The following FEM1C variants were observed in gnomAD, a reference collection of about 807,000 sequenced individuals.
FEM1C encodes fem-1 homolog C, also known as protein fem-1 homolog C.
A neutral mutation model predicts 37.6 loss-of-function variants in FEM1C; 15 were observed. The ratio of observed to expected loss-of-function variants is 0.40; its 90% CI spans 0.27 to 0.61. The LOEUF (loss-of-function observed/expected upper bound fraction) is 0.61. Among genes scored for constraint, FEM1C ranks in the 20% least tolerant of loss-of-function variants. The pLI, the probability that FEM1C is intolerant of heterozygous loss-of-function variation, is 0.42. For synonymous variants in FEM1C, 287 were observed against 272.8 expected (o/e 1.05, Z -0.51); for missense variants, 532 against 749.7 (o/e 0.71, Z 3.39).
rs1414146162 is a variant in FEM1C, at chr5:115,524,434, A to C, written c.1728T>G (p.Asn576Lys). Residue 576 changes from asparagine (N) to lysine (K), a missense_variant, in exon 3 of 3, where the codon AAT (asparagine) becomes AAG (lysine). Asn to Lys is a moderately conservative substitution (Grantham distance 94). This residue lies in a region of FEM1C where 237 missense variants were observed against 260.5 expected (regional missense o/e 0.91). Transcript: ENST00000274457. The stretch of plus-strand genomic sequence containing the variant: ...TGGTATGATTTATAGGCTGGATTAA[A>C]TTTTTAGCTATTTCCTTCTCATCCA... The part of the protein sequence containing the change: ...DLLDEKEIAK[N>K]LIQPINHTTL... The C allele has an allele frequency of 1.2e-6, 2 of 1,613,346 alleles. No homozygotes were observed. Among genetic ancestry groups the C allele is most frequent in the Admixed American group, 3.3e-5 (2 of 59,878 alleles).
At position 115,544,761 on chromosome 5, in the gene FEM1C, T is replaced by G. The variant is rs963017883; in HGVS notation, c.-429A>C. 2 of 152,612 alleles carry G rather than the reference T, an allele frequency of 1.3e-5. No homozygotes were observed. Among genetic ancestry groups the G allele is most frequent in the African/African-American group, 4.8e-5 (2 of 41,474 alleles). The allele number at this position is 152,612 out of a possible 1,614,324, so 9.5% of individuals were successfully genotyped here. A position where few individuals can be genotyped will look rare whatever the true frequency, so the allele number is the denominator to read the frequency against. The stretch of plus-strand genomic sequence containing the variant: ...GGACTGCAGCGGCTGCAGCGACTGC[T>G]GCGACGGATGGTGTAATGGGCTGCG... On this transcript the variant is annotated 5_prime_UTR_variant, in exon 1 of 3. Coordinates refer to ENST00000274457, the MANE Select transcript of FEM1C (RefSeq NM_020177.3).
Position 115,543,618 on chromosome 5 carries a change from A to G in FEM1C, c.-125T>C. 6.9e-7 allele frequency: 1 copy of G among 1,453,174 alleles called. No individual in the cohort carries two copies. The highest frequency in any genetic ancestry group is 9.0e-7 in the Non-Finnish European group (1 of 1,109,606). The allele number at this position is 1,453,174 out of a possible 1,614,324, so 90.0% of individuals were successfully genotyped here. On this transcript the variant is annotated 5_prime_UTR_variant, in exon 2 of 3. Coordinates refer to ENST00000274457, the MANE Select transcript of FEM1C (RefSeq NM_020177.3). Reference sequence around the variant, plus strand: ...TGTTAATTGCTGCACCCCAGAACGGATACACAACCACGAAGAGTATGTTCC... The same window carrying G: ...TGTTAATTGCTGCACCCCAGAACGGGTACACAACCACGAAGAGTATGTTCC...
At chr5:115,532,202 C>A (rs1384739466) in intron 2 of FEM1C, among the ~76,000 whole-genome samples, 1 of 152,070 alleles carries the variant, frequency 6.6e-6, no homozygotes, top group Non-Finnish European at 1.5e-5. Flanking sequence ...ATACCTTACA[C>A]TAGTATAATG....
chr5:115,542,886 T>C, intron 2 of FEM1C, 64 bp downstream of exon 2: 2 of 1,550,376 alleles, frequency 1.3e-6, no homozygotes, highest in Middle Eastern at 1.8e-4. Flanking sequence ...GTGCTTATAA[T>C]GATGTATCAA....
At chr5:115,536,416 A>G (rs1404007793) in intron 2 of FEM1C, among the ~76,000 whole-genome samples, 1 of 151,742 alleles carries the variant, frequency 6.6e-6, no homozygotes, top group Admixed American at 6.6e-5. Flanking sequence ...TCCTTCCTCA[A>G]CTTTGTAGCT....
At chr5:115,525,888 C>T (rs547324407) in intron 2 of FEM1C, among the ~76,000 whole-genome samples, 1 of 152,016 alleles carries the variant, frequency 6.6e-6, no homozygotes, top group African/African-American at 2.4e-5. Context: ...ATGGTCTCTT[C>T]GTATTTTTCA....
At chr5:115,541,143 A>C (rs1235793223) in intron 2 of FEM1C, among the ~76,000 whole-genome samples, 1 of 152,156 alleles carries the variant, frequency 6.6e-6, no homozygotes, top group Non-Finnish European at 1.5e-5. Flanking sequence ...CTCCATCAGT[A>C]GAAGAGTATG....
rs1223318926 is a variant in FEM1C, at chr5:115,543,179, A to G, written c.315T>C (p.His105=). 2.5e-6 allele frequency: 4 copies of G among 1,614,118 alleles called. No individual in the cohort carries two copies. Among genetic ancestry groups the G allele is most frequent in the Non-Finnish European group, 3.4e-6 (4 of 1,180,054 alleles). ...AAGTCGTGTTGTTGACAGATGCTCC[A>G]TGATTTAACAAGGACTGGACCACCT... ...HLKVVQSLLN[H]GASVNNTTLT... is the part of the protein sequence containing the mutation. The change falls in exon 2 of 3, where the codon CAT becomes CAC. Residue 105 remains histidine (H), a synonymous_variant. Coordinates refer to ENST00000274457, the MANE Select transcript of FEM1C (RefSeq NM_020177.3).
chr5:115,534,614 CAG>C (rs1561559199), intron 2 of FEM1C, among the ~76,000 whole-genome samples: 1 of 151,954 alleles, frequency 6.6e-6, no homozygotes. Context: ...ACGGAGTAGA[CAG>C]AATTTACTGC....
Position 115,524,069 on chromosome 5 carries a change from A to G in FEM1C, c.*239T>C, listed in dbSNP as rs1043701667. The G allele has an allele frequency of 1.2e-5, 5 of 427,134 alleles. No homozygotes were observed. In the Admixed American group the frequency reaches 1.6e-4, roughly 14 times the overall value. The allele number at this position is 427,134 out of a possible 1,614,324, so 26.5% of individuals were successfully genotyped here. ...AGAATGAATAAGCCTTTGGCAGACAATTTTAGAAATTTGAATGTTACATTT... is the reference window on the plus strand; with the variant it reads ...AGAATGAATAAGCCTTTGGCAGACAGTTTTAGAAATTTGAATGTTACATTT... On this transcript the variant is annotated 3_prime_UTR_variant, in exon 3 of 3. Transcript: ENST00000274457.
rs75650190 is a variant in FEM1C at position 115,538,862 on chromosome 5, C to G, written c.544+4088G>C. ...CAAAACCCTTCCACAGATCCACATCCCAATAAACTTTCTGCAGATCTAAAC... is the reference window on the plus strand; with the variant it reads ...CAAAACCCTTCCACAGATCCACATCGCAATAAACTTTCTGCAGATCTAAAC... On this transcript the variant is annotated intron_variant, in intron 2 of 2. Coordinates refer to ENST00000274457, the MANE Select transcript of FEM1C (RefSeq NM_020177.3). Among the ~76,000 whole-genome samples, 4 of 152,024 alleles carry G rather than the reference C, an allele frequency of 2.6e-5. No individual in the cohort carries two copies. The East Asian group carries it at 7.7e-4, about 29-fold the overall frequency.
In FEM1C at chr5:115,527,345, T is replaced by G. The variant is rs1361574079; in HGVS notation, c.545-1728A>C. Among the ~76,000 whole-genome samples, 3 of 152,154 alleles carry G rather than the reference T, an allele frequency of 2.0e-5. No individual in the cohort carries two copies. The East Asian group carries it at 5.8e-4, about 29-fold the overall frequency. On this transcript the variant is annotated intron_variant, in intron 2 of 2. Coordinates refer to ENST00000274457, the MANE Select transcript of FEM1C (RefSeq NM_020177.3). ...AAGTTATTATAAGAAATATTGAATC[T>G]TTCCACAAGTTTATCCTGTTTCGTC...
Position 115,525,402 on chromosome 5 carries a change from T to C in FEM1C, c.760A>G (p.Thr254Ala). 1 of 1,613,724 alleles carries C rather than the reference T, an allele frequency of 6.2e-7. No individual in the cohort carries two copies. Among genetic ancestry groups the C allele is most frequent in the Non-Finnish European group, 8.5e-7 (1 of 1,179,772 alleles). The change falls in exon 3 of 3, where the codon ACA becomes GCA. Residue 254 changes from threonine to alanine, a missense_variant. Physicochemically the swap from Thr to Ala is moderately conservative, Grantham distance 58 (BLOSUM62 0). Transcript: ENST00000274457. The part of the protein sequence containing the change: ...RINALELLGA[T>A]FVDKKRDLLG... ...AGATCTCTTTTTTTGTCTACAAATGTAGCTCCCAGAAGCTCTAGAGCATTA... is the reference window on the plus strand; with the variant it reads ...AGATCTCTTTTTTTGTCTACAAATGCAGCTCCCAGAAGCTCTAGAGCATTA...
At chr5:115,530,791 A>T (rs1753999136) in intron 2 of FEM1C, among the ~76,000 whole-genome samples, 1 of 152,104 alleles carries the variant, frequency 6.6e-6, no homozygotes, top group South Asian at 2.1e-4. Flanking sequence ...AGCCCAATGA[A>T]AATCAGAAAA....
chr5:115,537,184 A>C (rs1294756055), intron 2 of FEM1C, among the ~76,000 whole-genome samples: 6 of 151,988 alleles, frequency 3.9e-5, no homozygotes, highest in African/African-American at 1.4e-4. Context: ...ATCTTCCATC[A>C]CATACATTCC....
chr5:115,543,854 A>G (rs1754296141), intron 1 of FEM1C, 171 bp from the exon 2 acceptor site: 9 of 983,178 alleles, frequency 9.2e-6, no homozygotes, highest in Non-Finnish European at 1.1e-5. Context: ...AAAAATACAG[A>G]AGGATACACA....
At chr5:115,544,168 G>T in intron 1 of FEM1C, 1 of 985,374 alleles carries the variant, frequency 1.0e-6, no homozygotes. Flanking sequence ...ACTGTGCCCC[G>T]AAAGATTCTC....
At chr5:115,536,471 T>A (rs1342704621) in intron 2 of FEM1C, among the ~76,000 whole-genome samples, 1 of 151,782 alleles carries the variant, frequency 6.6e-6, no homozygotes, top group Non-Finnish European at 1.5e-5. Context: ...AAGATGAGGA[T>A]AGGGTGTGTG....
chr5:115,530,722 T>G (rs913122114), intron 2 of FEM1C, among the ~76,000 whole-genome samples: 4 of 152,068 alleles, frequency 2.6e-5, no homozygotes, highest in Admixed American at 1.3e-4. Flanking sequence ...AAAAGATAAC[T>G]AGAAAAACCT....
Sources: allele counts gnomAD v4.1 joint callset (sites outside exome capture counted in the v4.1 genomes callset), GRCh38; gene constraint gnomAD v4.1.1; regional missense constraint gnomAD v4.1.1; transcripts MANE v1.5; gene names NCBI Gene and HGNC (gene_info 2026-07-23, HGNC 2026-07-21).